The following VWC2 variants were observed in gnomAD, a reference collection of about 807,000 sequenced individuals.
The protein encoded by VWC2 is brorin.
In VWC2, 14 loss-of-function variants were observed where a neutral mutation model predicts 29.8. The observed-to-expected ratio is 0.47, with a 90% CI of 0.31 to 0.74. The LOEUF is 0.74. VWC2 is among the 30% of genes least tolerant of loss of function. The pLI is 0.05. For synonymous variants in VWC2, 213 were observed against 199.0 expected (o/e 1.07, Z -0.59); for missense variants, 457 against 459.8 (o/e 0.99, Z 0.05).
Position 49,775,947 on chromosome 7 carries a change from CG to C in VWC2, c.515del (p.Gly172AlafsTer114). ...TACGCGATCGGGGAGAAGTTCGCGC[CG>C]GGCCCCTCGGCCTGCCCGTGCCTGT... The part of the protein sequence containing the change: ...FVYAIGEKFA[P>X]GPSACPCLCT... On this transcript the variant is annotated frameshift_variant, in exon 2 of 4. Transcript: ENST00000340652. LOFTEE classifies it high-confidence loss of function. 6.4e-7 allele frequency: 1 copy of C among 1,552,766 alleles called. No homozygotes were observed. Among genetic ancestry groups the C allele is most frequent in the Non-Finnish European group, 8.7e-7 (1 of 1,150,984 alleles).
chr7:49,875,619 C>A (rs1430958190), intron 3 of VWC2, among the ~76,000 whole-genome samples: 2 of 151,914 alleles, frequency 1.3e-5, no homozygotes, highest in African/African-American at 4.8e-5. Flanking sequence ...CCACCGCCTT[C>A]CAGTATCAGC....
At chr7:49,882,087 C>CA (rs1791688908) in intron 3 of VWC2, among the ~76,000 whole-genome samples, 1 of 151,732 alleles carries the variant, frequency 6.6e-6, no homozygotes. Context: ...TTATTTAAAA[C>CA]AAAAAATGAT....
At chr7:49,824,983 A>G (rs938213592) in intron 3 of VWC2, among the ~76,000 whole-genome samples, 1 of 152,090 alleles carries the variant, frequency 6.6e-6, no homozygotes, top group Non-Finnish European at 1.5e-5. Context: ...CAAATTATAC[A>G]TATGAAAACT....
intron 3 of VWC2, among the ~76,000 whole-genome samples, chr7:49,832,715 G>A (rs1289539403): frequency 6.6e-6 from 1 of 152,138 alleles, no homozygotes; most frequent in African/African-American, 2.4e-5. Context: ...GCAGGAGGCT[G>A]GTCCAAGCCA....
chr7:49,784,944 T>A (rs1365310803), intron 2 of VWC2, among the ~76,000 whole-genome samples: 1 of 152,222 alleles, frequency 6.6e-6, no homozygotes, highest in Non-Finnish European at 1.5e-5. Context: ...CAAAAGCAGT[T>A]GAATCAGACC....
chr7:49,867,543 AT>A (rs1358820981), intron 3 of VWC2, among the ~76,000 whole-genome samples: 3 of 152,234 alleles, frequency 2.0e-5, no homozygotes, highest in African/African-American at 7.2e-5. Context: ...TCTGTTAAAA[AT>A]AAAAGACTGA....
intron 3 of VWC2, 77 bp downstream of exon 3, chr7:49,802,917 G>A (rs1391353113): frequency 1.1e-5 from 18 of 1,590,984 alleles, no homozygotes; most frequent in African/African-American, 2.7e-5. Flanking sequence ...CATGGTAGAC[G>A]GGACACATAC....
chr7:49,814,278 TC>T (rs991702483), intron 3 of VWC2, among the ~76,000 whole-genome samples: 2 of 152,216 alleles, frequency 1.3e-5, no homozygotes, highest in African/African-American at 4.8e-5. Context: ...TAATACTAAC[TC>T]TGTGTTTGCT....
intron 2 of VWC2, among the ~76,000 whole-genome samples, chr7:49,785,789 G>A (rs1788282093): frequency 6.6e-6 from 1 of 152,118 alleles, no homozygotes; most frequent in South Asian, 2.1e-4. Flanking sequence ...TCAGGAATGA[G>A]CCTAAAGAAA....
intron 3 of VWC2, among the ~76,000 whole-genome samples, chr7:49,909,217 T>G (rs938343670): frequency 3.9e-5 from 6 of 152,218 alleles, no homozygotes; most frequent in African/African-American, 1.4e-4. Context: ...GATACAGGTC[T>G]TCTGGGCAGT....
At position 49,813,692 on chromosome 7, in the gene VWC2, G is replaced by C. The variant is rs141632817; in HGVS notation, c.826+10852G>C. Among the ~76,000 whole-genome samples, 21 of 152,246 alleles carry C rather than the reference G, an allele frequency of 1.4e-4. 1 individual carries two copies. The highest frequency in any genetic ancestry group is 6.8e-3 in the Middle Eastern group (2 of 294). The stretch of plus-strand genomic sequence containing the variant: ...TTAGGGTTTATGGAAATATATTAAC[G>C]TGCAATAATACTTTAAAATTGGAAA... On this transcript the variant is annotated intron_variant, in intron 3 of 3. Transcript: ENST00000340652.
chr7:49,836,353 G>T (rs1468656515), intron 3 of VWC2, among the ~76,000 whole-genome samples: 4 of 151,838 alleles, frequency 2.6e-5, no homozygotes, highest in African/African-American at 9.7e-5. Flanking sequence ...TGTGGACTGG[G>T]CATGGTGACT....
chr7:49,815,392 T>G (rs1789112913), intron 3 of VWC2, among the ~76,000 whole-genome samples: 1 of 152,194 alleles, frequency 6.6e-6, no homozygotes, highest in South Asian at 2.1e-4. Context: ...GGTTGACATC[T>G]TAGGATATTT....
chr7:49,802,119 A>T (rs1463940192), intron 2 of VWC2, among the ~76,000 whole-genome samples: 1 of 152,260 alleles, frequency 6.6e-6, no homozygotes, highest in African/African-American at 2.4e-5. Context: ...TTCTTCAAAA[A>T]AAAGTTTAAT....
At chr7:49,793,953 C>T (rs1020651701) in intron 2 of VWC2, among the ~76,000 whole-genome samples, 1 of 152,180 alleles carries the variant, frequency 6.6e-6, no homozygotes, top group Admixed American at 6.5e-5. Context: ...GTAGGGGTAC[C>T]TGCAAGGTTT....
At chr7:49,911,285 C>A (rs2128742690) in intron 3 of VWC2, among the ~76,000 whole-genome samples, 1 of 151,898 alleles carries the variant, frequency 6.6e-6, no homozygotes, top group East Asian at 2.0e-4. Flanking sequence ...AGATCGAGAC[C>A]ATCCTGGCCA....
intron 3 of VWC2, among the ~76,000 whole-genome samples, chr7:49,880,022 G>T (rs1299561396): frequency 6.6e-6 from 1 of 152,044 alleles, no homozygotes; most frequent in East Asian, 1.9e-4. Context: ...ATGACCAGAG[G>T]GAGCATCATT....
intron 3 of VWC2, among the ~76,000 whole-genome samples, chr7:49,877,481 A>AAAAAAAAAACATATATATATATATAT: frequency 7.9e-5 from 1 of 12,722 alleles, no homozygotes; most frequent in African/African-American, 2.8e-4. Context: ...AAAAAAAAAA[A>AAAAAAAAAACATATATATATATATAT]ATATATATAT....
intron 3 of VWC2, among the ~76,000 whole-genome samples, chr7:49,881,946 A>G (rs1250318326): frequency 6.6e-6 from 1 of 151,864 alleles, no homozygotes; most frequent in East Asian, 1.9e-4. Context: ...CTTTTTTTAA[A>G]TTTGTCTTGA....
Sources: allele counts gnomAD v4.1 joint callset (sites outside exome capture counted in the v4.1 genomes callset), GRCh38; gene constraint gnomAD v4.1.1; transcripts MANE v1.5; gene names NCBI Gene and HGNC (gene_info 2026-07-23, HGNC 2026-07-21).